The following UBXN7 variants were observed in gnomAD, a reference collection of about 807,000 sequenced individuals.
The protein encoded by UBXN7 is UBX domain protein 7.
Under a neutral mutation model 58.0 loss-of-function variants are expected in UBXN7, and 9 were observed. The observed-to-expected ratio is 0.16, with a 90% CI of 0.09 to 0.27. The LOEUF is 0.27. Among genes scored for constraint, UBXN7 ranks in the 10% least tolerant of loss-of-function variants. The probability of loss-of-function intolerance (pLI) is 1.00; values close to 1 mark genes in which losing one functional copy is unlikely to be tolerated. For missense variants in UBXN7, 328 were observed against 599.6 expected, an observed-to-expected ratio of 0.55 and a Z score of 4.73; for synonymous variants, 208 against 205.0, an observed-to-expected ratio of 1.01 and a Z score of -0.12.
intron 5 of UBXN7, among the ~76,000 whole-genome samples, chr3:196,376,564 A>AAAAAAAAAAAAAG (rs1560224103): frequency 6.8e-6 from 1 of 147,926 alleles, no homozygotes; most frequent in Non-Finnish European, 1.5e-5. Context: ...AAAAAAAAAA[A>AAAAAAAAAAAAAG]AAAAGAAAAG....
Position 196,402,908 on chromosome 3 carries a change from A to G in UBXN7, c.289+44T>C, listed in dbSNP as rs1577465081. 3.8e-6 allele frequency: 6 copies of G among 1,571,826 alleles called. No homozygotes were observed. In the African/African-American group the frequency reaches 4.1e-5, roughly 11 times the overall value. ...CTTTTGATGGTTTCATTAAAATCCT[A>G]AAGAACAAAATCAAATAAGGCTAAG... On this transcript the variant is annotated intron_variant, in intron 3 of 10. Transcript: ENST00000296328.
At chr3:196,428,962 G>A (rs1730933105) in intron 1 of UBXN7, among the ~76,000 whole-genome samples, 2 of 145,596 alleles carry the variant, frequency 1.4e-5, no homozygotes, top group Admixed American at 1.4e-4. Flanking sequence ...GCTGAGCCCA[G>A]AAACTGGAGA....
At chr3:196,359,043 C>A (rs952083939) in intron 10 of UBXN7, among the ~76,000 whole-genome samples, 2 of 152,162 alleles carry the variant, frequency 1.3e-5, no homozygotes, top group Non-Finnish European at 2.9e-5. Context: ...CGAGAAAATG[C>A]TTCCAACGCC....
chr3:196,393,687 T>C (rs1729653793), intron 3 of UBXN7, 68 bp from the exon 4 acceptor site: 2 of 1,454,968 alleles, frequency 1.4e-6, no homozygotes, highest in Non-Finnish European at 1.9e-6. Context: ...AAAATGTCCT[T>C]ATCTAAAAGT....
chr3:196,403,057 G>C lies in UBXN7; in HGVS notation c.222-38C>G, dbSNP rs770565062. Reference sequence around the variant, plus strand: ...AATGGGAAAATAAAAAATGAAAACTGTTTTCTGCTACCTGTTTGCTTTCTG... The same window carrying C: ...AATGGGAAAATAAAAAATGAAAACTCTTTTCTGCTACCTGTTTGCTTTCTG... On this transcript the variant is annotated intron_variant, in intron 2 of 10. Transcript: ENST00000296328. 1.9e-6 allele frequency: 3 copies of C among 1,552,736 alleles called. No individual in the cohort carries two copies. The South Asian group carries it at 3.6e-5, about 19-fold the overall frequency.
intron 1 of UBXN7, among the ~76,000 whole-genome samples, chr3:196,423,922 C>G (rs1343408514): frequency 6.9e-6 from 1 of 144,438 alleles, no homozygotes; most frequent in Non-Finnish European, 1.5e-5. Flanking sequence ...CAGAGTCACA[C>G]TCTCTTGCCC....
chr3:196,360,289 T>C (rs1293017426), intron 10 of UBXN7, among the ~76,000 whole-genome samples: 2 of 152,240 alleles, frequency 1.3e-5, no homozygotes, highest in Non-Finnish European at 2.9e-5. Context: ...AGCCTTCTAT[T>C]GGAAGAAGAT....
At chr3:196,377,671 T>G (rs1729074306) in intron 5 of UBXN7, among the ~76,000 whole-genome samples, 1 of 151,330 alleles carries the variant, frequency 6.6e-6, no homozygotes, top group Non-Finnish European at 1.5e-5. Flanking sequence ...TTTATTCTCC[T>G]TTTTTTTTCT....
At chr3:196,391,450 G>T (rs1729579951) in intron 5 of UBXN7, among the ~76,000 whole-genome samples, 1 of 151,978 alleles carries the variant, frequency 6.6e-6, no homozygotes, top group African/African-American at 2.4e-5. Context: ...GCCACTGAAG[G>T]CCAGGTGCAG....
In UBXN7 at chr3:196,348,753, T is replaced by C. The variant is rs1464101270; in HGVS notation, c.*7932A>G. On this transcript the variant is annotated 3_prime_UTR_variant, in exon 11 of 11. Transcript: ENST00000296328. The stretch of plus-strand genomic sequence containing the variant: ...GGAAAATGACATGAAACATGAAACA[T>C]GTTTAAAAACACAATCAATGAAGAC... 6.6e-6 allele frequency: 1 copy of C among 152,114 alleles called. No individual in the cohort carries two copies. Among genetic ancestry groups the C allele is most frequent in the African/African-American group, 2.4e-5 (1 of 41,406 alleles). 9.4% of individuals were successfully genotyped at this position (152,114 alleles called of 1,614,324 possible).
At chr3:196,382,635 A>G (rs1295321439) in intron 5 of UBXN7, among the ~76,000 whole-genome samples, 2 of 152,212 alleles carry the variant, frequency 1.3e-5, no homozygotes, top group Admixed American at 6.5e-5. Flanking sequence ...TTCACACACA[A>G]TAATATTAAC....
chr3:196,432,356 C>T lies in UBXN7; in HGVS notation c.44G>A (p.Gly15Glu). 1 of 1,598,656 alleles carries T rather than the reference C, an allele frequency of 6.3e-7. No individual in the cohort carries two copies. The highest frequency in any genetic ancestry group is 8.6e-7 in the Non-Finnish European group (1 of 1,169,310). ...GGSAASSALK[G>E]LIQQFTTITG... ...AATGGTGGTGAACTGTTGAATTAAC[C>T]CCTTCAGCGCCGAGGACGCCGCGGA... Residue 15 changes from glycine to glutamate, a missense_variant, in exon 1 of 11, where the codon GGG becomes GAG. Physicochemically the swap from Gly to Glu is moderately conservative, Grantham distance 98. This residue lies in a region of UBXN7 where 106 missense variants were observed against 124.3 expected (regional missense o/e 0.85). Coordinates refer to ENST00000296328, the MANE Select transcript of UBXN7 (RefSeq NM_015562.2).
intron 8 of UBXN7, among the ~76,000 whole-genome samples, chr3:196,367,391 G>A (rs1401918393): frequency 1.3e-5 from 2 of 152,016 alleles, no homozygotes; most frequent in Admixed American, 6.6e-5. Flanking sequence ...AATTCTAGGA[G>A]GGCCAGAGAG....
chr3:196,355,301 T>C lies in UBXN7; in HGVS notation c.*1384A>G, dbSNP rs1263956225. ...TACCCCCCCTTCAGAGGACTCCATT[T>C]AAGCTCAAAATACGAAATGAGCATA... On this transcript the variant is annotated 3_prime_UTR_variant, in exon 11 of 11. Coordinates refer to ENST00000296328, the MANE Select transcript of UBXN7 (RefSeq NM_015562.2). 6.6e-6 allele frequency: 1 copy of C among 152,230 alleles called. No individual in the cohort carries two copies. Among genetic ancestry groups the C allele is most frequent in the East Asian group, 1.9e-4 (1 of 5,204 alleles). 9.4% of individuals were successfully genotyped at this position (152,230 alleles called of 1,614,324 possible). A position where few individuals can be genotyped will look rare whatever the true frequency, so the allele number is the denominator to read the frequency against.
intron 8 of UBXN7, 106 bp downstream of exon 8, chr3:196,367,922 T>A: frequency 2.8e-6 from 4 of 1,446,732 alleles, no homozygotes; most frequent in Non-Finnish European, 3.7e-6. Flanking sequence ...GTGATAGTTG[T>A]CCACTAGTTA....
At chr3:196,400,994 G>A (rs1177385919) in intron 3 of UBXN7, among the ~76,000 whole-genome samples, 2 of 151,794 alleles carry the variant, frequency 1.3e-5, no homozygotes, top group Non-Finnish European at 2.9e-5. Context: ...GAGCAGTCCA[G>A]AAAGCACTTC....
At chr3:196,389,684 T>C (rs757464278) in intron 5 of UBXN7, among the ~76,000 whole-genome samples, 3 of 152,210 alleles carry the variant, frequency 2.0e-5, no homozygotes, top group Non-Finnish European at 4.4e-5. Context: ...CAGAAGCAGA[T>C]GTCAGCACAA....
intron 1 of UBXN7, among the ~76,000 whole-genome samples, chr3:196,427,366 G>A (rs577561404): frequency 6.6e-6 from 1 of 152,216 alleles, no homozygotes; most frequent in Non-Finnish European, 1.5e-5. Context: ...CGCCCAGGCT[G>A]GAGTGCAGTG....
rs1445851306 is a variant in UBXN7, at chr3:196,387,390, C to A, written c.468+4423G>T. The stretch of plus-strand genomic sequence containing the variant: ...GACACAGGCATGGGCAAAGACTTCA[C>A]AACTAAAACACCAATAGCAATGGCA... On this transcript the variant is annotated intron_variant, in intron 5 of 10. Coordinates refer to ENST00000296328, the MANE Select transcript of UBXN7 (RefSeq NM_015562.2). Among the ~76,000 whole-genome samples the A allele has an allele frequency of 3.3e-5, 5 of 152,046 alleles. No homozygotes were observed. The East Asian group carries it at 9.6e-4, about 29-fold the overall frequency.
Sources: gnomAD v4.1 joint callset for allele counts (sites outside exome capture counted in the v4.1 genomes callset) on GRCh38, gnomAD v4.1.1 for gene constraint, gnomAD v4.1.1 regional missense constraint, MANE v1.5 for transcripts, NCBI Gene and HGNC (gene_info 2026-07-23, HGNC 2026-07-21) for gene names.